The following EYS variants were observed in gnomAD, a reference collection of about 807,000 sequenced individuals.
The protein encoded by EYS is EGF-like photoreceptor maintenance factor.
Under a neutral mutation model 282.1 loss-of-function variants are expected in EYS, and 250 were observed. The ratio of observed to expected loss-of-function variants is 0.89; its 90% CI spans 0.80 to 0.98. The LOEUF (loss-of-function observed/expected upper bound fraction) is 0.98, where lower values mean the gene tolerates loss of function less well. EYS is among the 50% of genes least tolerant of loss of function. The pLI is 0.00. For missense variants in EYS, 4,016 were observed against 3,709.0 expected, an observed-to-expected ratio of 1.08 and a Z score of -2.15; for synonymous variants, 1,355 against 1,282.9, an observed-to-expected ratio of 1.06 and a Z score of -1.20.
chr6:63,972,065 C>G (rs1766602397), intron 35 of EYS, among the ~76,000 whole-genome samples: 1 of 152,114 alleles, frequency 6.6e-6, no homozygotes, highest in African/African-American at 2.4e-5. Context: ...CACTCTATTT[C>G]TGAGAAAGAG....
chr6:63,917,864 C>T (rs540698396), intron 35 of EYS, among the ~76,000 whole-genome samples: 21 of 152,304 alleles, frequency 1.4e-4, no homozygotes, highest in African/African-American at 4.8e-4. Context: ...TTCTTCAGCT[C>T]TCCTTTCCTA....
intron 26 of EYS, among the ~76,000 whole-genome samples, chr6:64,554,715 G>A (rs1266790616): frequency 1.3e-5 from 2 of 151,722 alleles, no homozygotes; most frequent in East Asian, 3.9e-4. Context: ...CAAAAAATGG[G>A]AAAGATCTGA....
intron 31 of EYS, among the ~76,000 whole-genome samples, chr6:64,097,852 A>G (rs148629913): frequency 6.6e-6 from 1 of 152,226 alleles, no homozygotes; most frequent in Non-Finnish European, 1.5e-5. Flanking sequence ...GAAAACCAGA[A>G]CACAAAAAAA....
chr6:64,175,288 A>G (rs969346121), intron 31 of EYS, among the ~76,000 whole-genome samples: 3 of 152,092 alleles, frequency 2.0e-5, no homozygotes, highest in African/African-American at 7.2e-5. Context: ...TCCTGTCCTA[A>G]CCTAGGTTCT....
chr6:64,732,082 G>A (rs992562209), intron 22 of EYS, among the ~76,000 whole-genome samples: 9 of 152,104 alleles, frequency 5.9e-5, no homozygotes, highest in African/African-American at 2.2e-4. Flanking sequence ...AACACCACAT[G>A]TTCTCACTCA....
intron 2 of EYS, among the ~76,000 whole-genome samples, chr6:65,507,385 T>C (rs1304098688): frequency 6.6e-6 from 1 of 152,144 alleles, no homozygotes; most frequent in Non-Finnish European, 1.5e-5. Context: ...GCATATGACA[T>C]GCCTAGAGAA....
chr6:65,193,359 T>A (rs898045222), intron 12 of EYS, among the ~76,000 whole-genome samples: 1 of 151,874 alleles, frequency 6.6e-6, no homozygotes, highest in Non-Finnish European at 1.5e-5. Flanking sequence ...TCTTCCTTTG[T>A]AACCCTGAAA....
intron 29 of EYS, among the ~76,000 whole-genome samples, chr6:64,344,643 CG>C (rs1160613365): frequency 6.6e-6 from 1 of 151,884 alleles, no homozygotes; most frequent in African/African-American, 2.4e-5. Flanking sequence ...TGGCACAAGA[CG>C]GGGATGCCCT....
Position 64,878,227 on chromosome 6 carries a change from A to G in EYS, c.2992+8470T>C, listed in dbSNP as rs980803283. On this transcript the variant is annotated intron_variant, in intron 19 of 42. Transcript: ENST00000503581. ...GCGACAACAGCGAGACTCCATCGGA[A>G]AAAAGAAAATATGATAATAATAATG... is the stretch of plus-strand genomic sequence containing the variant. Among the ~76,000 whole-genome samples the G allele has an allele frequency of 2.8e-4, 43 of 152,250 alleles. 1 individual carries two copies. The highest frequency in any genetic ancestry group is 1.0e-3 in the African/African-American group (43 of 41,562).
intron 29 of EYS, among the ~76,000 whole-genome samples, chr6:64,345,705 T>A (rs1425041318): frequency 3.3e-5 from 5 of 151,874 alleles, no homozygotes; most frequent in Non-Finnish European, 7.4e-5. Context: ...ACAAATGGGA[T>A]CTAATTAAAC....
chr6:64,624,105 G>T (rs553118112), intron 23 of EYS, among the ~76,000 whole-genome samples: 1 of 152,092 alleles, frequency 6.6e-6, no homozygotes, highest in Non-Finnish European at 1.5e-5. Flanking sequence ...AAAGTCAAAG[G>T]TATCAGCAGA....
At chr6:65,120,753 G>C (rs1024365963) in intron 12 of EYS, among the ~76,000 whole-genome samples, 6 of 151,958 alleles carry the variant, frequency 3.9e-5, no homozygotes, top group Admixed American at 3.3e-4. Flanking sequence ...TTAGCCTCTC[G>C]TTCACAGACT....
chr6:64,813,597 A>AT lies in EYS; in HGVS notation c.3244-21dup. The AT allele has an allele frequency of 6.8e-7, 1 of 1,460,486 alleles. No individual in the cohort carries two copies. The highest frequency in any genetic ancestry group is 9.3e-7 in the Non-Finnish European group (1 of 1,076,922). 90.5% of individuals were successfully genotyped at this position (1,460,486 alleles called of 1,614,324 possible). Reference sequence around the variant, plus strand: ...GCAGTCCTAGATTAAGAAATAGAGAATCAAATTTGATTATTAGTATAAGGT... The same window carrying AT: ...GCAGTCCTAGATTAAGAAATAGAGAATTCAAATTTGATTATTAGTATAAGGT... On this transcript the variant is annotated intron_variant, in intron 21 of 42. Coordinates refer to ENST00000503581, the MANE Select transcript of EYS (RefSeq NM_001142800.2).
intron 8 of EYS, among the ~76,000 whole-genome samples, chr6:65,377,915 C>T (rs779817452): frequency 1.3e-5 from 2 of 151,976 alleles, no homozygotes; most frequent in Admixed American, 1.3e-4. Flanking sequence ...TTAATTAATA[C>T]CCTACCAACC....
At chr6:65,431,660 T>C (rs1247420044) in intron 5 of EYS, among the ~76,000 whole-genome samples, 1 of 152,132 alleles carries the variant, frequency 6.6e-6, no homozygotes, top group Non-Finnish European at 1.5e-5. Flanking sequence ...TCAAATTATA[T>C]TCATGATCAC....
chr6:65,549,988 C>T (rs9345649), intron 2 of EYS, among the ~76,000 whole-genome samples: 23,476 of 130,212 alleles, frequency 0.18, 2,299 homozygotes, highest in East Asian at 0.34. Context: ...AAGGTGGCAA[C>T]CATCCTCCCT....
At chr6:64,175,658 G>A (rs1445816300) in intron 31 of EYS, among the ~76,000 whole-genome samples, 1 of 152,174 alleles carries the variant, frequency 6.6e-6, no homozygotes, top group Non-Finnish European at 1.5e-5. Flanking sequence ...GCTTCAGTGG[G>A]GAAGCCCAGG....
chr6:64,123,816 A>G (rs954845506), intron 31 of EYS, among the ~76,000 whole-genome samples: 1 of 152,222 alleles, frequency 6.6e-6, no homozygotes, highest in African/African-American at 2.4e-5. Context: ...TTTAGTCTCA[A>G]TATCCCCATT....
intron 2 of EYS, among the ~76,000 whole-genome samples, chr6:65,617,061 G>A (rs967985771): frequency 1.3e-5 from 2 of 152,086 alleles, no homozygotes; most frequent in Admixed American, 6.5e-5. Flanking sequence ...TTTATGGAAA[G>A]GGAGAAATAT....
Sources: gnomAD v4.1 joint callset for allele counts (sites outside exome capture counted in the v4.1 genomes callset) on GRCh38, gnomAD v4.1.1 for gene constraint, MANE v1.5 for transcripts, NCBI Gene and HGNC (gene_info 2026-07-23, HGNC 2026-07-21) for gene names.